The following ANK1 variants were observed in gnomAD, a reference collection of about 807,000 sequenced individuals.
ANK1 encodes the protein ankyrin 1, also known as ankyrin-1.
In ANK1, 51 loss-of-function variants were observed where a neutral mutation model predicts 210.4. That is an observed-to-expected ratio of 0.24 (90% CI 0.19 to 0.31). The LOEUF (loss-of-function observed/expected upper bound fraction) is 0.31. Among genes scored for constraint, ANK1 ranks in the 10% least tolerant of loss-of-function variants. The probability of loss-of-function intolerance (pLI) is 1.00; values close to 1 mark genes in which losing one functional copy is unlikely to be tolerated. For missense variants in ANK1, 2,051 were observed against 2,504.4 expected, an observed-to-expected ratio of 0.82 and a Z score of 3.86; for synonymous variants, 967 against 1,025.9, an observed-to-expected ratio of 0.94 and a Z score of 1.10.
At chr8:41,793,105 G>A (rs989738934) in intron 1 of ANK1, among the ~76,000 whole-genome samples, 2 of 152,214 alleles carry the variant, frequency 1.3e-5, no homozygotes, top group African/African-American at 4.8e-5. Context: ...GGCCGAGTGC[G>A]GTGGCTCATG....
intron 1 of ANK1, among the ~76,000 whole-genome samples, chr8:41,867,642 C>T (rs1243548357): frequency 6.6e-6 from 1 of 152,110 alleles, no homozygotes; most frequent in East Asian, 1.9e-4. Flanking sequence ...CACCATCAGG[C>T]TAGGTGATAC....
At chr8:41,746,979 A>T (rs1242683795) in intron 2 of ANK1, among the ~76,000 whole-genome samples, 3 of 152,058 alleles carry the variant, frequency 2.0e-5, no homozygotes, top group Non-Finnish European at 4.4e-5. Flanking sequence ...GCTTCAATTT[A>T]TGCTGCTTTG....
intron 1 of ANK1, among the ~76,000 whole-genome samples, chr8:41,804,244 T>C (rs1245553923): frequency 6.6e-6 from 1 of 152,166 alleles, no homozygotes; most frequent in Non-Finnish European, 1.5e-5. Context: ...GGACCTCCCA[T>C]AGGGCTGCCA....
At chr8:41,882,094 T>C (rs1195046860) in intron 1 of ANK1, among the ~76,000 whole-genome samples, 2 of 152,162 alleles carry the variant, frequency 1.3e-5, no homozygotes, top group African/African-American at 4.8e-5. Context: ...CCTCTGCCAC[T>C]GCGCAGTGGT....
At chr8:41,763,473 A>G (rs1226356692) in intron 1 of ANK1, among the ~76,000 whole-genome samples, 1 of 152,172 alleles carries the variant, frequency 6.6e-6, no homozygotes, top group Non-Finnish European at 1.5e-5. Flanking sequence ...TAACTTGCCC[A>G]AGTTCTGCAG....
intron 2 of ANK1, among the ~76,000 whole-genome samples, chr8:41,754,049 A>G (rs1002032912): frequency 1.3e-5 from 2 of 152,120 alleles, no homozygotes; most frequent in Non-Finnish European, 2.9e-5. Flanking sequence ...CCTTCCATTC[A>G]TGGTTCCTAA....
chr8:41,734,154 AGCC>A, intron 2 of ANK1, 85 bp from the exon 3 acceptor site: 1 of 1,170,254 alleles, frequency 8.5e-7, no homozygotes, highest in Non-Finnish European at 1.3e-6. Context: ...GCCCCTTCCC[AGCC>A]CTGAGGTGTT....
rs1805215353 is a variant in ANK1, at chr8:41,655,073, CTAT to C, written c.*714_*716del. On this transcript the variant is annotated 3_prime_UTR_variant, in exon 43 of 43. Transcript: ENST00000289734. ...AATTCCAATTTATCCACAGCAGAGT[CTAT>C]ACAGCTTCAGAAGTCACAGTAAAAT... is the stretch of plus-strand genomic sequence containing the variant. 3.2e-5 allele frequency: 1 copy of C among 31,050 alleles called. No individual in the cohort carries two copies. The highest frequency in any genetic ancestry group is 1.7e-4 in the African/African-American group (1 of 5,856). The allele number at this position is 31,050 out of a possible 1,614,324, so 1.9% of individuals were successfully genotyped here. A position where few individuals can be genotyped will look rare whatever the true frequency, so the allele number is the denominator to read the frequency against.
chr8:41,844,838 G>C (rs6991884), intron 1 of ANK1, among the ~76,000 whole-genome samples: 52,650 of 152,040 alleles, frequency 0.35, 10,435 homozygotes, highest in East Asian at 0.8. Context: ...AAGTTAGAAG[G>C]GGGTGAGTGA....
chr8:41,725,156 C>G (rs1830355680), intron 6 of ANK1, among the ~76,000 whole-genome samples: 1 of 152,254 alleles, frequency 6.6e-6, no homozygotes, highest in South Asian at 2.1e-4. Flanking sequence ...AGCCTGAAGG[C>G]AGGCCTAACC....
At chr8:41,809,312 G>A (rs534850240) in intron 1 of ANK1, among the ~76,000 whole-genome samples, 4 of 152,340 alleles carry the variant, frequency 2.6e-5, no homozygotes, top group African/African-American at 7.2e-5. Context: ...GCAGCTCTGT[G>A]AAAACTTCCA....
intron 1 of ANK1, among the ~76,000 whole-genome samples, chr8:41,875,968 A>C (rs1220824345): frequency 6.6e-6 from 1 of 151,828 alleles, no homozygotes; most frequent in Non-Finnish European, 1.5e-5. Flanking sequence ...GCACACTCGC[A>C]CACCTGCCCG....
chr8:41,868,118 C>T (rs1284667737), intron 1 of ANK1, among the ~76,000 whole-genome samples: 1 of 152,194 alleles, frequency 6.6e-6, no homozygotes, highest in East Asian at 1.9e-4. Context: ...CTTGGCCTCC[C>T]GAAGTGCTGG....
At chr8:41,664,707 C>T (rs1809783348) in intron 39 of ANK1, 1 of 1,272,060 alleles carries the variant, frequency 7.9e-7, no homozygotes. Context: ...CCGGCGTCTC[C>T]CAACTCTGGG....
chr8:41,739,521 C>CTTTTTTTTTTCTTT (rs1834190360), intron 2 of ANK1, among the ~76,000 whole-genome samples: 1 of 116,126 alleles, frequency 8.6e-6, no homozygotes, highest in Non-Finnish European at 1.8e-5. Flanking sequence ...TTTTTTCTTT[C>CTTTTTTTTTTCTTT]TTTTTTTTTT....
At chr8:41,677,792 G>A (rs542233385) in intron 37 of ANK1, among the ~76,000 whole-genome samples, 2 of 152,184 alleles carry the variant, frequency 1.3e-5, no homozygotes, top group African/African-American at 4.8e-5. Context: ...GTTTCACCCT[G>A]TTGCCCAGGC....
In ANK1 at chr8:41,672,560, G is replaced by A; in HGVS notation, c.4890C>T (p.Ala1630=). 1 of 1,614,182 alleles carries A rather than the reference G, an allele frequency of 6.2e-7. No homozygotes were observed. Among genetic ancestry groups the A allele is most frequent in the African/African-American group, 1.3e-5 (1 of 75,042 alleles). Residue 1630 remains alanine, a synonymous_variant, in exon 38 of 43, where the codon GCC becomes GCT. Transcript: ENST00000289734. ...CAAGCAAATCGATAAGGCCATTTGTGGCATCTGAATCCACTGTGTCGTCCT... is the reference window on the plus strand; with the variant it reads ...CAAGCAAATCGATAAGGCCATTTGTAGCATCTGAATCCACTGTGTCGTCCT... ...LVEDDTVDSD[A]TNGLIDLLEQ... is the part of the protein sequence containing the mutation.
At chr8:41,774,850 G>A (rs1372780013) in intron 1 of ANK1, among the ~76,000 whole-genome samples, 5 of 152,224 alleles carry the variant, frequency 3.3e-5, no homozygotes, top group African/African-American at 4.8e-5. Flanking sequence ...CTGGGGAGCC[G>A]AGACTAGAGT....
At chr8:41,673,307 G>A (rs1391174387) in intron 37 of ANK1, among the ~76,000 whole-genome samples, 1 of 152,182 alleles carries the variant, frequency 6.6e-6, no homozygotes, top group Non-Finnish European at 1.5e-5. Flanking sequence ...CCATGGCTGG[G>A]CAGAAGTAGA....
Sources: allele counts gnomAD v4.1 joint callset (sites outside exome capture counted in the v4.1 genomes callset), GRCh38; gene constraint gnomAD v4.1.1; transcripts MANE v1.5; gene names NCBI Gene and HGNC (gene_info 2026-07-23, HGNC 2026-07-21).